Variants in CNOT1 observed in about 807,000 individuals in gnomAD.
CNOT1 encodes the protein CCR4-NOT transcription complex subunit 1.
CNOT1 carries 15 observed loss-of-function variants against 273.8 expected under a neutral mutation model. The observed-to-expected ratio is 0.05, with a 90% CI of 0.04 to 0.08. CNOT1 has a LOEUF of 0.08. CNOT1 is among the 10% of genes least tolerant of loss of function. The pLI, the probability that CNOT1 is intolerant of heterozygous loss-of-function variation, is 1.00. For synonymous variants in CNOT1, 1,022 were observed against 1,005.5 expected (o/e 1.02, Z -0.31); for missense variants, 1,644 against 2,912.2 (o/e 0.56, Z 10.02).
chr16:58,545,284 G>A (rs954527081), intron 30 of CNOT1, 77 bp downstream of exon 30: 24 of 1,577,016 alleles, frequency 1.5e-5, no homozygotes, highest in Admixed American at 8.8e-5. Context: ...AGGGCAAAGA[G>A]CTGAAGAAAA....
chr16:58,616,437 AG>A (rs2043086160), intron 1 of CNOT1, among the ~76,000 whole-genome samples: 1 of 151,862 alleles, frequency 6.6e-6, no homozygotes, highest in Admixed American at 6.6e-5. Flanking sequence ...TTTTATTTTT[AG>A]TACAGATGGG....
At chr16:58,610,281 T>G (rs1020719630) in intron 1 of CNOT1, among the ~76,000 whole-genome samples, 2 of 152,174 alleles carry the variant, frequency 1.3e-5, no homozygotes, top group Non-Finnish European at 2.9e-5. Context: ...TAGCCAGGCA[T>G]GGTGGTAGAC....
chr16:58,574,523 T>G, intron 16 of CNOT1, 86 bp downstream of exon 16: 2 of 1,349,078 alleles, frequency 1.5e-6, no homozygotes, highest in Non-Finnish European at 2.0e-6. Context: ...CTGCTGTCAC[T>G]TTCACTGAAC....
intron 1 of CNOT1, among the ~76,000 whole-genome samples, chr16:58,614,020 A>G (rs1597602677): frequency 9.2e-6 from 1 of 108,348 alleles, no homozygotes; most frequent in Non-Finnish European, 2.1e-5. Context: ...TGAACCCGGG[A>G]GGCGGAGCTT....
chr16:58,627,298 C>A (rs1482284710), intron 1 of CNOT1, among the ~76,000 whole-genome samples: 1 of 143,662 alleles, frequency 7.0e-6, no homozygotes, highest in Non-Finnish European at 1.5e-5. Flanking sequence ...CCCAGCTACT[C>A]GAGGGGCTGA....
intron 14 of CNOT1, 89 bp downstream of exon 14, chr16:58,576,374 G>A (rs2041459524): frequency 6.4e-7 from 1 of 1,567,354 alleles, no homozygotes; most frequent in Non-Finnish European, 8.7e-7. Context: ...GCCTCCCAAA[G>A]TGCTGGGATT....
chr16:58,594,656 G>T (rs866261288), intron 2 of CNOT1, among the ~76,000 whole-genome samples: 26 of 151,784 alleles, frequency 1.7e-4, no homozygotes, highest in Non-Finnish European at 2.9e-4. Flanking sequence ...ACAAAAATAA[G>T]CCAGATGTGG....
At chr16:58,526,511 TAAAAAAAAAAAAAAA>T (rs57367601) in intron 44 of CNOT1, among the ~76,000 whole-genome samples, 1 of 80,814 alleles carries the variant, frequency 1.2e-5, no homozygotes, top group African/African-American at 5.3e-5. Flanking sequence ...ACTTACTCCT[TAAAAAAAAAAAAAAA>T]AAAAAAAAAA....
intron 17 of CNOT1, among the ~76,000 whole-genome samples, chr16:58,559,352 T>TAATAA (rs2040752769): frequency 6.6e-6 from 1 of 152,150 alleles, no homozygotes; most frequent in African/African-American, 2.4e-5. Flanking sequence ...GGACACTTAT[T>TAATAA]ATATTAATAA....
intron 10 of CNOT1, among the ~76,000 whole-genome samples, chr16:58,582,123 CAA>C (rs930219983): frequency 1.3e-4 from 13 of 99,378 alleles, no homozygotes; most frequent in Admixed American, 2.3e-4. Context: ...ACTAAAAATA[CAA>C]AAAAAAAAAA....
In CNOT1 at chr16:58,583,240, A is replaced by T. The variant is rs2041713292; in HGVS notation, c.807-58T>A. On this transcript the variant is annotated intron_variant, in intron 8 of 48. Transcript: ENST00000317147. The stretch of plus-strand genomic sequence containing the variant: ...ACCAGCCTCAACACCGAGATTGAGA[A>T]ATTCTGGCATTAAATGAACCTTGTT... 1.1e-5 allele frequency: 18 copies of T among 1,592,498 alleles called. No individual in the cohort carries two copies. The South Asian group carries it at 2.0e-4, about 18-fold the overall frequency.
At chr16:58,623,942 A>G (rs1448238820) in intron 1 of CNOT1, among the ~76,000 whole-genome samples, 2 of 151,856 alleles carry the variant, frequency 1.3e-5, no homozygotes, top group Non-Finnish European at 2.9e-5. Context: ...GCAAGCCTAG[A>G]TCGTGCCACT....
Position 58,530,978 on chromosome 16 carries a change from TCAAC to T in CNOT1, c.6178-635_6178-632del, listed in dbSNP as rs569413431. Among the ~76,000 whole-genome samples the T allele has an allele frequency of 1.3e-3, 194 of 152,168 alleles. 2 individuals carry two copies. The highest frequency in any genetic ancestry group is 4.5e-3 in the African/African-American group (188 of 41,508). ...AAACTTCCGAGAGAACACAAAACAG[TCAAC>T]TGCAGAAACTGACAACTAGAAATGT... On this transcript the variant is annotated intron_variant, in intron 42 of 48. Coordinates refer to ENST00000317147, the MANE Select transcript of CNOT1 (RefSeq NM_016284.5).
rs2040274808 is a variant in CNOT1 at position 58,546,900 on chromosome 16, A to T, written c.3751-151T>A. The T allele has an allele frequency of 3.9e-6, 4 of 1,016,840 alleles. No homozygotes were observed. The South Asian group carries it at 6.5e-5, about 16-fold the overall frequency. 63.0% of individuals were successfully genotyped at this position (1,016,840 alleles called of 1,614,324 possible). A position where few individuals can be genotyped will look rare whatever the true frequency, so the allele number is the denominator to read the frequency against. ...TTAAAAAATAACCAAAAACAGTTAA[A>T]CATAGTTAAACACTTATACCTCTGT... On this transcript the variant is annotated intron_variant, in intron 27 of 48. Coordinates refer to ENST00000317147, the MANE Select transcript of CNOT1 (RefSeq NM_016284.5).
At position 58,537,168 on chromosome 16, in the gene CNOT1, G is replaced by C. The variant is rs1456190139; in HGVS notation, c.5467C>G (p.Arg1823Gly). ...VRSNYEAMID[R>G]AHGGPNFMMH... ...ATAAAGTTTGGGCCTCCATGAGCACGATCAATCATTGCTTCATAGTTGGAT... is the reference window on the plus strand; with the variant it reads ...ATAAAGTTTGGGCCTCCATGAGCACCATCAATCATTGCTTCATAGTTGGAT... Residue 1823 changes from arginine to glycine, a missense_variant, in exon 39 of 49, where the codon CGT (arginine) becomes GGT (glycine). Arg to Gly is a moderately radical substitution (Grantham distance 125). Around this residue, in one of 13 missense-constraint regions of CNOT1, gnomAD observed 133 missense variants for 328.2 expected, o/e 0.41. Transcript: ENST00000317147. 1 of 1,613,702 alleles carries C rather than the reference G, an allele frequency of 6.2e-7. No individual in the cohort carries two copies.
rs770819686 is a variant in CNOT1 at position 58,538,756 on chromosome 16, G to C, written c.5135+16C>G. ...CGCAGTCCAATACTCACTACTTTTC[G>C]AAGATGGCTACTGACCTTGTGATCT... On this transcript the variant is annotated intron_variant, in intron 36 of 48. Coordinates refer to ENST00000317147, the MANE Select transcript of CNOT1 (RefSeq NM_016284.5). The C allele has an allele frequency of 6.2e-7, 1 of 1,610,742 alleles. No individual in the cohort carries two copies. The highest frequency in any genetic ancestry group is 1.1e-5 in the South Asian group (1 of 91,026).
chr16:58,542,079 G>C (rs1266926951), intron 33 of CNOT1, 152 bp downstream of exon 33: 1 of 944,288 alleles, frequency 1.1e-6, no homozygotes, highest in African/African-American at 1.7e-5. Context: ...TCCTCCACAG[G>C]CAGCCATTCA....
At position 58,539,745 on chromosome 16, in the gene CNOT1, AAAGT is replaced by A. The variant is rs1567393557; in HGVS notation, c.4992+19_4992+22del. ...ATGTTTACACACCTAGCATTTTCTA[AAAGT>A]AATAGCTTAAGAACCAACCTTTTGG... On this transcript the variant is annotated intron_variant, in intron 35 of 48. Coordinates refer to ENST00000317147, the MANE Select transcript of CNOT1 (RefSeq NM_016284.5). 1 of 1,584,486 alleles carries A rather than the reference AAAGT, an allele frequency of 6.3e-7. No individual in the cohort carries two copies. The highest frequency in any genetic ancestry group is 8.6e-7 in the Non-Finnish European group (1 of 1,164,592).
chr16:58,623,991 CAA>C (rs775226649), intron 1 of CNOT1, among the ~76,000 whole-genome samples: 2 of 137,682 alleles, frequency 1.5e-5, no homozygotes, highest in Non-Finnish European at 3.2e-5. Context: ...ACTCCGGCTC[CAA>C]AAAAAAAAAA....
Sources: gnomAD v4.1 joint callset for allele counts (sites outside exome capture counted in the v4.1 genomes callset) on GRCh38, gnomAD v4.1.1 for gene constraint, gnomAD v4.1.1 regional missense constraint, MANE v1.5 for transcripts, NCBI Gene and HGNC (gene_info 2026-07-23, HGNC 2026-07-21) for gene names.